The following RIMS2 variants were observed in gnomAD, a reference collection of about 807,000 sequenced individuals.
RIMS2 encodes the protein regulating synaptic membrane exocytosis protein 2.
In RIMS2, 59 loss-of-function variants were observed where a neutral mutation model predicts 174.4. The observed-to-expected ratio is 0.34, with a 90% confidence interval of 0.27 to 0.42. The LOEUF (loss-of-function observed/expected upper bound fraction) is 0.42. RIMS2 is among the 10% of genes least tolerant of loss of function. RIMS2 has a pLI of 1.00. For synonymous variants in RIMS2, 606 were observed against 572.5 expected, an observed-to-expected ratio of 1.06 and a Z score of -0.84; for missense variants, 1,620 against 1,666.3, an observed-to-expected ratio of 0.97 and a Z score of 0.48.
rs888946755 is a variant in RIMS2, at chr8:103,843,972, T to A, written c.699-41326T>A. Among the ~76,000 whole-genome samples, 8 of 152,174 alleles carry A rather than the reference T, an allele frequency of 5.3e-5. 1 individual carries two copies. The highest frequency in any genetic ancestry group is 3.2e-3 in the Middle Eastern group (1 of 316). The stretch of plus-strand genomic sequence containing the variant: ...GAATTGTGGAGGCACGTCTTTCCCA[T>A]GATGTTCTCATGATAGCAAATAAGT... On this transcript the variant is annotated intron_variant, in intron 3 of 23. Coordinates refer to ENST00000504942, the Ensembl canonical transcript of RIMS2.
chr8:104,228,098 G>A (rs920016316), intron 19 of RIMS2, among the ~76,000 whole-genome samples: 12 of 148,094 alleles, frequency 8.1e-5, no homozygotes, highest in Non-Finnish European at 1.2e-4. Flanking sequence ...GTGCGATCTC[G>A]GCTCACTGCA....
At chr8:103,712,123 C>G (rs2138001996) in intron 2 of RIMS2, among the ~76,000 whole-genome samples, 1 of 150,880 alleles carries the variant, frequency 6.6e-6, no homozygotes, top group South Asian at 2.1e-4. Context: ...TCCTGAGTAG[C>G]TGAGACTACA....
intron 12 of RIMS2, among the ~76,000 whole-genome samples, chr8:103,934,300 T>C (rs1031312134): frequency 4.6e-5 from 7 of 152,168 alleles, no homozygotes; most frequent in African/African-American, 1.7e-4. Context: ...ATAATTAGGC[T>C]TTTATTTTAA....
At chr8:104,002,461 A>G (rs143602148) in intron 17 of RIMS2, among the ~76,000 whole-genome samples, 2,347 of 152,254 alleles carry the variant, frequency 0.015, 30 homozygotes, top group Non-Finnish European at 0.024. Context: ...TACTTACTTG[A>G]GTCAAAATAA....
At chr8:103,910,322 G>A in intron 5 of RIMS2, 3 of 1,590,704 alleles carry the variant, frequency 1.9e-6, no homozygotes, top group South Asian at 2.2e-5. Context: ...TACCTGTAGG[G>A]GACAGTCAAA....
chr8:104,056,845 C>G (rs917428224), intron 19 of RIMS2, among the ~76,000 whole-genome samples: 2 of 152,102 alleles, frequency 1.3e-5, no homozygotes, highest in Admixed American at 6.6e-5. Flanking sequence ...TATGATGGAG[C>G]CACTGCATTC....
intron 12 of RIMS2, among the ~76,000 whole-genome samples, chr8:103,933,369 C>A (rs1349238419): frequency 6.6e-6 from 1 of 150,528 alleles, no homozygotes. Context: ...GCCTGTAATC[C>A]CAGCTACTCG....
intron 3 of RIMS2, among the ~76,000 whole-genome samples, chr8:103,851,348 A>G (rs2154492937): frequency 6.6e-6 from 1 of 151,994 alleles, no homozygotes; most frequent in East Asian, 1.9e-4. Flanking sequence ...AAGTTGCTTT[A>G]TAATTTTGAT....
At chr8:104,152,777 G>A (rs1386623144) in intron 19 of RIMS2, among the ~76,000 whole-genome samples, 2 of 151,906 alleles carry the variant, frequency 1.3e-5, no homozygotes, top group Admixed American at 6.6e-5. Flanking sequence ...TCAGCTATAT[G>A]TTTGTATTTT....
intron 1 of RIMS2, among the ~76,000 whole-genome samples, chr8:103,565,310 G>A (rs2092209679): frequency 6.8e-6 from 1 of 146,850 alleles, no homozygotes; most frequent in Non-Finnish European, 1.5e-5. Context: ...GCTGTTTAAT[G>A]TTTTTTTTTT....
rs181983551 is a variant in RIMS2 at position 103,834,476 on chromosome 8, G to A, written c.699-50822G>A. 4.1e-3 allele frequency among the ~76,000 whole-genome samples: 618 copies of A among 151,328 alleles called. 5 individuals carry two copies. The highest frequency in any genetic ancestry group is 6.2e-3 in the Non-Finnish European group (422 of 67,754). On this transcript the variant is annotated intron_variant, in intron 3 of 23. Coordinates refer to ENST00000504942, the Ensembl canonical transcript of RIMS2. ...CACGGCCTCCCAAAGTACTGGGATTGTAGGGGGCATGCCACTGTGCTCAGA... is the reference window on the plus strand; with the variant it reads ...CACGGCCTCCCAAAGTACTGGGATTATAGGGGGCATGCCACTGTGCTCAGA...
At chr8:103,786,549 A>G (rs1263026594) in intron 3 of RIMS2, among the ~76,000 whole-genome samples, 1 of 152,146 alleles carries the variant, frequency 6.6e-6, no homozygotes, top group Non-Finnish European at 1.5e-5. Flanking sequence ...ATTCAGGAGC[A>G]GGTTGTTCAG....
intron 19 of RIMS2, among the ~76,000 whole-genome samples, chr8:104,017,509 A>G (rs966917131): frequency 1.3e-5 from 2 of 152,078 alleles, no homozygotes; most frequent in African/African-American, 4.8e-5. Flanking sequence ...AGGCATTATT[A>G]TTATTTTTCC....
At chr8:104,199,207 G>C (rs112984863) in intron 19 of RIMS2, among the ~76,000 whole-genome samples, 1 of 151,818 alleles carries the variant, frequency 6.6e-6, no homozygotes, top group African/African-American at 2.4e-5. Flanking sequence ...GACTACAGGC[G>C]CCCGCCACCA....
intron 19 of RIMS2, among the ~76,000 whole-genome samples, chr8:104,150,125 C>G (rs947456885): frequency 1.3e-5 from 2 of 151,984 alleles, no homozygotes; most frequent in African/African-American, 4.8e-5. Flanking sequence ...TTATACTTCT[C>G]TAATAGAACT....
chr8:103,900,204 A>G (rs1594805687), intron 4 of RIMS2, among the ~76,000 whole-genome samples: 2 of 151,770 alleles, frequency 1.3e-5, no homozygotes, highest in East Asian at 1.9e-4. Context: ...AATCCCTTAC[A>G]GACAAGCAAA....
At position 103,604,370 on chromosome 8, in the gene RIMS2, G is replaced by A. The variant is rs1312518319; in HGVS notation, c.177-92716G>A. On this transcript the variant is annotated intron_variant, in intron 1 of 23. Transcript: ENST00000504942. The stretch of plus-strand genomic sequence containing the variant: ...TCCATTGATCTATATCTCTGTTTTG[G>A]TACCAGTACCATGCTGTTTTGGTTA... 2.6e-5 allele frequency among the ~76,000 whole-genome samples: 4 copies of A among 151,960 alleles called. No individual in the cohort carries two copies. The East Asian group carries it at 5.8e-4, about 22-fold the overall frequency.
chr8:103,889,894 G>A (rs1332141032), intron 4 of RIMS2, among the ~76,000 whole-genome samples: 1 of 151,904 alleles, frequency 6.6e-6, no homozygotes, highest in African/African-American at 2.4e-5. Context: ...TTCATGGGAA[G>A]AGTATCAGTT....
chr8:104,124,822 A>G (rs1200396278), intron 19 of RIMS2, among the ~76,000 whole-genome samples: 1 of 152,226 alleles, frequency 6.6e-6, no homozygotes, highest in African/African-American at 2.4e-5. Flanking sequence ...TCCAACCTGC[A>G]GTAAAAGGAG....
Sources: allele counts gnomAD v4.1 joint callset (sites outside exome capture counted in the v4.1 genomes callset), GRCh38; gene constraint gnomAD v4.1.1; transcripts MANE v1.5; gene names NCBI Gene and HGNC (gene_info 2026-07-23, HGNC 2026-07-21).